Variants in APBB2 observed in about 807,000 individuals in gnomAD.
APBB2 encodes amyloid beta precursor protein binding family B member 2.
A neutral mutation model predicts 82.5 loss-of-function variants in APBB2; 38 were observed. The observed-to-expected ratio is 0.46, with a 90% CI of 0.36 to 0.60. The LOEUF (loss-of-function observed/expected upper bound fraction) is 0.60, where lower values mean the gene tolerates loss of function less well. Among genes scored for constraint, APBB2 ranks in the 20% least tolerant of loss-of-function variants. The pLI, the probability that APBB2 is intolerant of heterozygous loss-of-function variation, is 0.00. For synonymous variants in APBB2, 341 were observed against 368.2 expected, an observed-to-expected ratio of 0.93 and a Z score of 0.85; for missense variants, 772 against 972.3, an observed-to-expected ratio of 0.79 and a Z score of 2.74.
intron 6 of APBB2, among the ~76,000 whole-genome samples, chr4:41,008,317 C>T (rs2154426442): frequency 6.6e-6 from 1 of 152,248 alleles, no homozygotes; most frequent in South Asian, 2.1e-4. Flanking sequence ...TACTGTGAGG[C>T]AACAGGATCA....
At chr4:41,017,745 T>C (rs1445708845) in intron 5 of APBB2, among the ~76,000 whole-genome samples, 1 of 152,190 alleles carries the variant, frequency 6.6e-6, no homozygotes, top group Non-Finnish European at 1.5e-5. Flanking sequence ...CTAATTGGTC[T>C]GAGTGATTGA....
At chr4:41,091,427 ATAAAAAAGTAAG>A (rs148592593) in intron 3 of APBB2, among the ~76,000 whole-genome samples, 392 of 152,360 alleles carry the variant, frequency 2.6e-3, no homozygotes, top group Middle Eastern at 6.8e-3. Context: ...AAGCAAAAGA[ATAAAAAAGTAAG>A]TAATTTTTGT....
chr4:41,126,026 C>T (rs939064748), intron 2 of APBB2, among the ~76,000 whole-genome samples: 3 of 152,098 alleles, frequency 2.0e-5, no homozygotes, highest in Non-Finnish European at 2.9e-5. Context: ...TCGTTTCACA[C>T]CTTTAATTGG....
At chr4:41,054,896 G>A (rs56000060) in intron 4 of APBB2, among the ~76,000 whole-genome samples, 3,385 of 152,036 alleles carry the variant, frequency 0.022, 61 homozygotes, top group Non-Finnish European at 0.033. Context: ...CCACCTCCCT[G>A]CCCCTCCCGA....
chr4:40,953,009 T>G (rs1306863392), intron 6 of APBB2, among the ~76,000 whole-genome samples: 1 of 152,006 alleles, frequency 6.6e-6, no homozygotes, highest in Non-Finnish European at 1.5e-5. Context: ...AAAAATGGAT[T>G]TTAGGCCAGG....
intron 16 of APBB2, 117 bp downstream of exon 16, chr4:40,823,527 T>C (rs1748725481): frequency 1.4e-6 from 1 of 706,570 alleles, no homozygotes; most frequent in African/African-American, 1.7e-5. Flanking sequence ...GTAGGCCATC[T>C]TAATCACAAG....
chr4:41,182,129 C>T (rs530798093), intron 1 of APBB2, among the ~76,000 whole-genome samples: 123 of 152,182 alleles, frequency 8.1e-4, no homozygotes, highest in Non-Finnish European at 1.4e-3. Flanking sequence ...CTAGTGACTC[C>T]GCATCTCCAG....
At chr4:41,016,378 A>G (rs1233813496) in intron 5 of APBB2, among the ~76,000 whole-genome samples, 2 of 152,218 alleles carry the variant, frequency 1.3e-5, no homozygotes, top group African/African-American at 4.8e-5. Flanking sequence ...ACTTCTAGCC[A>G]CAGCCGGGTG....
At chr4:41,179,354 T>G (rs547225563) in intron 1 of APBB2, among the ~76,000 whole-genome samples, 2 of 152,242 alleles carry the variant, frequency 1.3e-5, no homozygotes, top group Admixed American at 6.5e-5. Context: ...ATAAATCATA[T>G]CAACATATAT....
rs979242533 is a variant in APBB2 at position 40,944,918 on chromosome 4, A to G, written c.991T>C (p.Ser331Pro). 6.2e-6 allele frequency: 10 copies of G among 1,613,566 alleles called. No individual in the cohort carries two copies. The highest frequency in any genetic ancestry group is 8.5e-6 in the Non-Finnish European group (10 of 1,180,022). ...ACAGAACTAAGTGACCCTTTCCTAG[A>G]ACCCTGGAGATCTGCTGGGATGGAG... ...PVSIPADLQG[S>P]RKGSLSSVTP... Residue 331 changes from serine (S) to proline (P), a missense_variant, in exon 7 of 18, where the codon TCT becomes CCT. By Grantham distance (74) the Ser-to-Pro change is moderately conservative. Coordinates refer to ENST00000508593, the MANE Select transcript of APBB2 (RefSeq NM_004307.2).
chr4:41,116,909 C>T (rs2153986932), intron 2 of APBB2, among the ~76,000 whole-genome samples: 1 of 152,232 alleles, frequency 6.6e-6, no homozygotes, highest in Non-Finnish European at 1.5e-5. Context: ...GGGTGATTTT[C>T]TTTCCTCCAA....
At chr4:41,053,698 A>G (rs563684735) in intron 4 of APBB2, among the ~76,000 whole-genome samples, 1 of 152,338 alleles carries the variant, frequency 6.6e-6, no homozygotes, top group Admixed American at 6.5e-5. Flanking sequence ...AGAGTATCAT[A>G]AAAAAGGCCA....
chr4:40,824,845 G>A (rs1749324231), intron 15 of APBB2, among the ~76,000 whole-genome samples: 2 of 152,156 alleles, frequency 1.3e-5, no homozygotes, highest in Non-Finnish European at 1.5e-5. Context: ...CCCCGTGCCT[G>A]GTAGGGGTCA....
chr4:40,868,813 C>T (rs1315744030), intron 12 of APBB2, among the ~76,000 whole-genome samples: 4 of 152,042 alleles, frequency 2.6e-5, no homozygotes, highest in African/African-American at 7.2e-5. Flanking sequence ...CACCAAAGAG[C>T]CATTTTATTA....
At chr4:40,819,114 A>G (rs149084106) in intron 17 of APBB2, among the ~76,000 whole-genome samples, 67 of 150,830 alleles carry the variant, frequency 4.4e-4, no homozygotes, top group African/African-American at 1.5e-3. Context: ...CATCTTCTGG[A>G]CTATGTCAAA....
chr4:40,833,138 G>T (rs960765951), intron 12 of APBB2, among the ~76,000 whole-genome samples: 4 of 152,162 alleles, frequency 2.6e-5, no homozygotes, highest in African/African-American at 7.2e-5. Context: ...CTCCCTAGAG[G>T]GTCCTTCAGA....
In APBB2 at chr4:41,036,022, G is replaced by A. The variant is rs560412987; in HGVS notation, c.-50-2718C>T. Among the ~76,000 whole-genome samples, 5 of 152,092 alleles carry A rather than the reference G, an allele frequency of 3.3e-5. No individual in the cohort carries two copies. The South Asian group carries it at 1.0e-3, about 32-fold the overall frequency. Reference sequence around the variant, plus strand: ...AAACATACTAAAATTAGCTGGGTGGGGTGGCACACACTTGTATCCCAGCTA... The same window carrying A: ...AAACATACTAAAATTAGCTGGGTGGAGTGGCACACACTTGTATCCCAGCTA... On this transcript the variant is annotated intron_variant, in intron 4 of 17. Coordinates refer to ENST00000508593, the MANE Select transcript of APBB2 (RefSeq NM_004307.2).
intron 5 of APBB2, among the ~76,000 whole-genome samples, chr4:41,028,233 T>C (rs1320623785): frequency 6.6e-6 from 1 of 152,206 alleles, no homozygotes; most frequent in African/African-American, 2.4e-5. Flanking sequence ...TAAAGATACC[T>C]ATGGAGCGCA....
chr4:40,913,628 C>A (rs909954001), intron 10 of APBB2, among the ~76,000 whole-genome samples: 1 of 152,174 alleles, frequency 6.6e-6, no homozygotes, highest in East Asian at 1.9e-4. Flanking sequence ...GGTGGCAAAA[C>A]ACTTGAGTTG....
Sources: allele counts gnomAD v4.1 joint callset (sites outside exome capture counted in the v4.1 genomes callset), GRCh38; gene constraint gnomAD v4.1.1; transcripts MANE v1.5; gene names NCBI Gene and HGNC (gene_info 2026-07-23, HGNC 2026-07-21).